The following PPM1E variants were observed in gnomAD, a reference collection of about 807,000 sequenced individuals.
PPM1E encodes the protein protein phosphatase 1E.
PPM1E carries 20 observed loss-of-function variants against 65.9 expected under a neutral mutation model. The ratio of observed to expected loss-of-function variants is 0.30; its 90% CI spans 0.21 to 0.44. PPM1E has a LOEUF of 0.44. PPM1E is among the 20% of genes least tolerant of loss of function. The pLI is 1.00. For synonymous variants in PPM1E, 352 were observed against 374.9 expected (o/e 0.94, Z 0.70); for missense variants, 713 against 953.1 (o/e 0.75, Z 3.32).
At chr17:58,756,562 C>A in intron 1 of PPM1E, 101 bp downstream of exon 1, 1 of 1,203,116 alleles carries the variant, frequency 8.3e-7, no homozygotes, top group Non-Finnish European at 1.1e-6. Context: ...TTTTCTGCTC[C>A]TCTCCCCCGC....
intron 1 of PPM1E, among the ~76,000 whole-genome samples, chr17:58,845,492 T>G (rs184327104): frequency 2.3e-3 from 352 of 152,122 alleles, no homozygotes; most frequent in South Asian, 5.2e-3. Flanking sequence ...AACAGTAACT[T>G]CTCATTCCTT....
At position 58,757,151 on chromosome 17, in the gene PPM1E, T is replaced by A. The variant is rs73329089; in HGVS notation, c.464+690T>A. ...CATAATTGAGGGAAGTGGGAAGGAA[T>A]TGAGAGGGAAGGGTAAGCAAAATTT... On this transcript the variant is annotated intron_variant, in intron 1 of 6. Transcript: ENST00000308249. 8.8e-3 allele frequency among the ~76,000 whole-genome samples: 1,338 copies of A among 152,198 alleles called. 23 individuals carry two copies. Among genetic ancestry groups the A allele is most frequent in the African/African-American group, 0.03 (1,231 of 41,512 alleles).
intron 2 of PPM1E, 71 bp downstream of exon 2, chr17:58,955,838 T>A: frequency 6.9e-7 from 1 of 1,455,656 alleles, no homozygotes; most frequent in East Asian, 2.5e-5. Flanking sequence ...ACAGAAAATA[T>A]CTGCAAAATA....
At chr17:58,887,965 A>C (rs956788450) in intron 1 of PPM1E, among the ~76,000 whole-genome samples, 1 of 152,214 alleles carries the variant, frequency 6.6e-6, no homozygotes, top group Non-Finnish European at 1.5e-5. Flanking sequence ...GAGAAGAAGC[A>C]ATAGGACTTG....
intron 4 of PPM1E, among the ~76,000 whole-genome samples, chr17:58,970,493 C>A (rs899350941): frequency 3.3e-5 from 5 of 152,110 alleles, no homozygotes; most frequent in Admixed American, 6.5e-5. Flanking sequence ...AAATAAGACT[C>A]CTGCCCTGTG....
At chr17:58,912,172 A>C (rs2051635318) in intron 1 of PPM1E, among the ~76,000 whole-genome samples, 1 of 152,120 alleles carries the variant, frequency 6.6e-6, no homozygotes, top group South Asian at 2.1e-4. Flanking sequence ...CTATAGCACA[A>C]GGTATGTTCG....
intron 1 of PPM1E, among the ~76,000 whole-genome samples, chr17:58,764,594 C>T (rs1422119907): frequency 3.3e-5 from 5 of 151,970 alleles, no homozygotes; most frequent in African/African-American, 1.2e-4. Context: ...TGCCGTCATG[C>T]CTGGCTAGTT....
intron 1 of PPM1E, among the ~76,000 whole-genome samples, chr17:58,843,001 C>T (rs2050734579): frequency 6.6e-6 from 1 of 151,402 alleles, no homozygotes. Flanking sequence ...AAGTGTAGAA[C>T]AGGCCGGGCG....
intron 1 of PPM1E, among the ~76,000 whole-genome samples, chr17:58,776,398 A>G (rs1171559560): frequency 6.6e-6 from 1 of 152,230 alleles, no homozygotes; most frequent in African/African-American, 2.4e-5. Flanking sequence ...AAGCTGTTAG[A>G]ACACATAATG....
intron 1 of PPM1E, among the ~76,000 whole-genome samples, chr17:58,787,789 C>G (rs1038128175): frequency 1.3e-5 from 2 of 151,582 alleles, no homozygotes; most frequent in Non-Finnish European, 2.9e-5. Flanking sequence ...CGCCTGTAGT[C>G]CCAGCTACTC....
intron 1 of PPM1E, among the ~76,000 whole-genome samples, chr17:58,827,276 T>G (rs1317681008): frequency 6.6e-6 from 1 of 151,692 alleles, no homozygotes; most frequent in Non-Finnish European, 1.5e-5. Context: ...TAGCTGTGAT[T>G]ATAGGTGCCC....
chr17:58,977,307 G>A (rs1281871340), intron 6 of PPM1E, among the ~76,000 whole-genome samples: 1 of 152,054 alleles, frequency 6.6e-6, no homozygotes, highest in African/African-American at 2.4e-5. Context: ...GCTGGGTATT[G>A]TGGTGCGTGC....
chr17:58,981,734 T>C lies in PPM1E; in HGVS notation c.*703T>C, dbSNP rs189866094. 1 of 129,804 alleles carries C rather than the reference T, an allele frequency of 7.7e-6. No individual in the cohort carries two copies. Among genetic ancestry groups the C allele is most frequent in the Admixed American group, 8.5e-5 (1 of 11,760 alleles). 8.0% of individuals were successfully genotyped at this position (129,804 alleles called of 1,614,324 possible). ...GGGCTGTAGTTATTTGGGAGTTTCA[T>C]AACCTGTTATGGTGCTTTTGGTGGA... On this transcript the variant is annotated 3_prime_UTR_variant, in exon 7 of 7. Coordinates refer to ENST00000308249, the MANE Select transcript of PPM1E (RefSeq NM_014906.5).
intron 1 of PPM1E, among the ~76,000 whole-genome samples, chr17:58,788,240 G>A (rs1230995532): frequency 6.6e-6 from 1 of 152,008 alleles, no homozygotes; most frequent in African/African-American, 2.4e-5. Context: ...TAGTAGAGAC[G>A]AGGTTTCACC....
At chr17:58,812,303 CAA>C (rs35132799) in intron 1 of PPM1E, among the ~76,000 whole-genome samples, 618 of 49,700 alleles carry the variant, frequency 0.012, no homozygotes, top group African/African-American at 0.041. Context: ...GACTCTGTTT[CAA>C]AAAAAAAAAA....
At position 58,980,384 on chromosome 17, in the gene PPM1E, G is replaced by A; in HGVS notation, c.1621G>A (p.Gly541Ser). The A allele has an allele frequency of 1.2e-6, 2 of 1,614,140 alleles. No homozygotes were observed. Among genetic ancestry groups the A allele is most frequent in the Non-Finnish European group, 1.7e-6 (2 of 1,180,028 alleles). Residue 541 changes from glycine (G) to serine (S), a missense_variant, in exon 7 of 7, where the codon GGC becomes AGC. Coordinates refer to ENST00000308249, the MANE Select transcript of PPM1E (RefSeq NM_014906.5). The surrounding 1 kb of genome is among the most constrained non-coding windows in gnomAD (Gnocchi z 4.7). ...CCAGTGCTCAGCACCAGCCGACCTA[G>A]GCTATGATGGGCGTGTGGATTCATT... ...QHQCSAPADL[G>S]YDGRVDSFTD...
chr17:58,781,730 TACA>T (rs1335034303), intron 1 of PPM1E, among the ~76,000 whole-genome samples: 1 of 151,328 alleles, frequency 6.6e-6, no homozygotes, highest in African/African-American at 2.4e-5. Context: ...CTACTGAAAA[TACA>T]ACATTAGCTG....
chr17:58,954,079 G>T (rs2052280312), intron 1 of PPM1E, among the ~76,000 whole-genome samples: 1 of 152,104 alleles, frequency 6.6e-6, no homozygotes. Context: ...ATGAATTCTT[G>T]ATTTCTACTT....
chr17:58,802,325 G>A lies in PPM1E; in HGVS notation c.464+45864G>A, dbSNP rs562538671. 1.1e-4 allele frequency among the ~76,000 whole-genome samples: 16 copies of A among 152,146 alleles called. No homozygotes were observed. In the South Asian group the frequency reaches 2.5e-3, roughly 24 times the overall value. Reference sequence around the variant, plus strand: ...GTTGTATCTTCTTGGTACCTTTGTTGAAGATTTGTTGACCATATAGGTTTG... The same window carrying A: ...GTTGTATCTTCTTGGTACCTTTGTTAAAGATTTGTTGACCATATAGGTTTG... On this transcript the variant is annotated intron_variant, in intron 1 of 6. Transcript: ENST00000308249.
Sources: gnomAD v4.1 joint callset for allele counts (sites outside exome capture counted in the v4.1 genomes callset) on GRCh38, gnomAD v4.1.1 for gene constraint, Gnocchi (gnomAD v3.1) non-coding constraint, MANE v1.5 for transcripts, NCBI Gene and HGNC (gene_info 2026-07-23, HGNC 2026-07-21) for gene names.